The following SHPRH variants were observed in gnomAD, a reference collection of about 807,000 sequenced individuals.
SHPRH encodes the protein SNF2 histone linker PHD RING helicase.
Under a neutral mutation model 202.5 loss-of-function variants are expected in SHPRH, and 106 were observed. The observed-to-expected ratio is 0.52, with a 90% CI of 0.45 to 0.62. The LOEUF is 0.62. Among genes scored for constraint, SHPRH ranks in the 20% least tolerant of loss-of-function variants. The pLI is 0.00. For synonymous variants in SHPRH, 729 were observed against 686.0 expected (o/e 1.06, Z -0.98); for missense variants, 1,710 against 2,020.0 (o/e 0.85, Z 2.94).
chr6:145,874,966 T>C (rs1028528650), intron 2 of SHPRH, among the ~76,000 whole-genome samples: 11 of 152,342 alleles, frequency 7.2e-5, no homozygotes, highest in Admixed American at 5.9e-4. Context: ...GTCTATGTTA[T>C]TGCAGATTAG....
intron 1 of SHPRH, among the ~76,000 whole-genome samples, chr6:145,958,977 C>T (rs546679819): frequency 2.6e-5 from 4 of 151,988 alleles, no homozygotes; most frequent in Admixed American, 2.0e-4. Context: ...GGACTACAGG[C>T]GCCTGCCACT....
At chr6:145,919,277 T>G (rs1784218681) in intron 22 of SHPRH, 71 bp downstream of exon 22, 1 of 1,584,316 alleles carries the variant, frequency 6.3e-7, no homozygotes, top group South Asian at 1.1e-5. Flanking sequence ...TGATTCTGCC[T>G]TTTCTATGGG....
At chr6:145,957,276 G>A (rs1336279145) in intron 1 of SHPRH, among the ~76,000 whole-genome samples, 2 of 151,932 alleles carry the variant, frequency 1.3e-5, no homozygotes, top group Non-Finnish European at 2.9e-5. Flanking sequence ...AAACCTAAAT[G>A]ACATTGGATT....
At chr6:145,929,067 G>A (rs1315449117) in intron 14 of SHPRH, among the ~76,000 whole-genome samples, 1 of 151,816 alleles carries the variant, frequency 6.6e-6, no homozygotes, top group Non-Finnish European at 1.5e-5. Context: ...AGAAGGTATA[G>A]TGATTAAACT....
intron 28 of SHPRH, among the ~76,000 whole-genome samples, chr6:145,891,930 C>A (rs527810567): frequency 6.6e-6 from 1 of 152,204 alleles, no homozygotes; most frequent in Non-Finnish European, 1.5e-5. Flanking sequence ...CAACAAAAAA[C>A]AAGTAAGACA....
At chr6:145,859,113 T>C in the SHPRH span, among the ~76,000 whole-genome samples, 1 of 152,088 alleles carries the variant, frequency 6.6e-6, no homozygotes, top group African/African-American at 2.4e-5. Flanking sequence ...AAACTTTTCC[T>C]TGGGAGATCT....
rs1276904230 is a variant in SHPRH, at chr6:145,885,937, A to G, written c.*754T>C. 2 of 152,232 alleles carry G rather than the reference A, an allele frequency of 1.3e-5. No homozygotes were observed. The highest frequency in any genetic ancestry group is 1.3e-4 in the Admixed American group (2 of 15,284). 9.4% of individuals were successfully genotyped at this position (152,232 alleles called of 1,614,324 possible). On this transcript the variant is annotated 3_prime_UTR_variant, in exon 30 of 30. Transcript: ENST00000275233. The stretch of plus-strand genomic sequence containing the variant: ...TTTACAGATACATCAATCTTACAAC[A>G]TATAAAAACTTTAACAATAAGAAAA...
chr6:145,936,968 CAT>C (rs1353755087), intron 11 of SHPRH, among the ~76,000 whole-genome samples: 10 of 147,744 alleles, frequency 6.8e-5, no homozygotes, highest in Non-Finnish European at 1.0e-4. Flanking sequence ...TTTTTGCACA[CAT>C]GCTTCATCTT....
intron 3 of SHPRH, among the ~76,000 whole-genome samples, chr6:145,950,940 TAG>T (rs971027138): frequency 1.3e-5 from 2 of 152,126 alleles, no homozygotes; most frequent in Admixed American, 6.6e-5. Flanking sequence ...GAAGTTTATA[TAG>T]GAACAACTTA....
intron 22 of SHPRH, chr6:145,918,460 G>C: frequency 3.4e-6 from 1 of 291,766 alleles, no homozygotes; most frequent in East Asian, 6.1e-5. Context: ...TTTTAAACAG[G>C]AAGTGTCCCT....
rs946427903 is a variant in SHPRH at position 145,941,699 on chromosome 6, G to C, written c.2414C>G (p.Pro805Arg). 2 of 1,613,936 alleles carry C rather than the reference G, an allele frequency of 1.2e-6. No homozygotes were observed. Among genetic ancestry groups the C allele is most frequent in the South Asian group, 1.1e-5 (1 of 91,074 alleles). The change falls in exon 10 of 30, where the codon CCG becomes CGG. Residue 805 changes from proline to arginine, a missense_variant. Around this residue, in one of 8 missense-constraint regions of SHPRH, gnomAD observed 277 missense variants for 363.0 expected, o/e 0.76. Coordinates refer to ENST00000275233, the MANE Select transcript of SHPRH (RefSeq NM_001042683.3). ...LRNQKRYMAIPSPLVAVEWWR... is the reference protein window; with the variant it reads ...LRNQKRYMAIRSPLVAVEWWR... ...CCACTCCACAGCTACCAGGGGGCTC[G>C]GGATAGCCATATAGCGCTTCTGGTT... is the stretch of plus-strand genomic sequence containing the variant.
At position 145,894,958 on chromosome 6, in the gene SHPRH, A is replaced by C; in HGVS notation, c.4535T>G (p.Val1512Gly). 6.2e-7 allele frequency: 1 copy of C among 1,612,994 alleles called. No homozygotes were observed. The highest frequency in any genetic ancestry group is 8.5e-7 in the Non-Finnish European group (1 of 1,179,292). ...CATCAGAGTTCTGACCACAGCTTCC[A>C]CTTTTGTAGAATGGCTGCCCTTTGA... Reference protein sequence around the residue: ...IPVKGSHSTKVEAVVRTLMKI... With the variant: ...IPVKGSHSTKGEAVVRTLMKI... The change falls in exon 26 of 30, where the codon GTG (valine) becomes GGG (glycine). Residue 1512 changes from valine (V) to glycine (G), a missense_variant. Physicochemically the swap from Val to Gly is moderately radical, Grantham distance 109 (BLOSUM62 -3). Around this residue, in one of 8 missense-constraint regions of SHPRH, gnomAD observed 306 missense variants for 479.5 expected, o/e 0.64. Coordinates refer to ENST00000275233, the MANE Select transcript of SHPRH (RefSeq NM_001042683.3).
chr6:145,858,866 C>T, the SHPRH span, among the ~76,000 whole-genome samples: 1 of 151,966 alleles, frequency 6.6e-6, no homozygotes, highest in Non-Finnish European at 1.5e-5. Context: ...ATACTTTCAA[C>T]AGGCATAGAG....
chr6:145,877,206 G>A (rs1780344178), intron 2 of SHPRH, among the ~76,000 whole-genome samples: 1 of 152,162 alleles, frequency 6.6e-6, no homozygotes. Flanking sequence ...TAGCTGCTAG[G>A]TGTACATTTA....
chr6:145,915,904 CTAT>C (rs1484690160), intron 23 of SHPRH, among the ~76,000 whole-genome samples: 1 of 151,956 alleles, frequency 6.6e-6, no homozygotes, highest in Non-Finnish European at 1.5e-5. Flanking sequence ...AAATTCTCAG[CTAT>C]TATCTCTTCA....
chr6:145,945,467 G>GT lies in SHPRH; in HGVS notation c.1491dup (p.Gln498ThrfsTer24), dbSNP rs1226080616. On this transcript the variant is annotated frameshift_variant, in exon 8 of 30. Coordinates refer to ENST00000275233, the MANE Select transcript of SHPRH (RefSeq NM_001042683.3). LOFTEE classifies it high-confidence loss of function. ...CCAGAAAAACCATGGCCTTTGATCTGTTTCACGAGACCTTCAAAAATTAAA... is the reference window on the plus strand; with the variant it reads ...CCAGAAAAACCATGGCCTTTGATCTGTTTTCACGAGACCTTCAAAAATTAAA... 6.2e-7 allele frequency: 1 copy of GT among 1,612,966 alleles called. No homozygotes were observed. The highest frequency in any genetic ancestry group is 8.5e-7 in the Non-Finnish European group (1 of 1,179,498).
At chr6:145,900,069 A>G (rs1782361950) in intron 25 of SHPRH, among the ~76,000 whole-genome samples, 1 of 152,188 alleles carries the variant, frequency 6.6e-6, no homozygotes, top group South Asian at 2.1e-4. Context: ...ACAAATTAGT[A>G]GAGCCATTTT....
At position 145,913,468 on chromosome 6, in the gene SHPRH, A is replaced by G. The variant is rs1418398483; in HGVS notation, c.4326+10T>C. The G allele has an allele frequency of 1.2e-6, 2 of 1,603,102 alleles. No homozygotes were observed. The highest frequency in any genetic ancestry group is 1.7e-6 in the Non-Finnish European group (2 of 1,173,930). On this transcript the variant is annotated intron_variant, in intron 24 of 29. Coordinates refer to ENST00000275233, the MANE Select transcript of SHPRH (RefSeq NM_001042683.3). ...TTTATAAATGCATGTGATGTTTATC[A>G]TAATTTTACCTGTTTTCCTAGCTGT...
At chr6:145,903,095 A>G (rs1782642112) in intron 25 of SHPRH, among the ~76,000 whole-genome samples, 1 of 152,018 alleles carries the variant, frequency 6.6e-6, no homozygotes, top group Non-Finnish European at 1.5e-5. Context: ...TTAACAAAAA[A>G]TATACAACTG....
Sources: gnomAD v4.1 joint callset for allele counts (sites outside exome capture counted in the v4.1 genomes callset) on GRCh38, gnomAD v4.1.1 for gene constraint, gnomAD v4.1.1 regional missense constraint, MANE v1.5 for transcripts, NCBI Gene and HGNC (gene_info 2026-07-23, HGNC 2026-07-21) for gene names.